Variants in WDR72 observed in about 807,000 individuals in gnomAD.
WDR72 encodes the protein WD repeat domain 72, also known as WD repeat-containing protein 72.
WDR72 carries 120 observed loss-of-function variants against 124.2 expected under a neutral mutation model. The observed-to-expected ratio is 0.97, with a 90% CI of 0.83 to 1.12. The LOEUF (loss-of-function observed/expected upper bound fraction) is 1.12. Among genes scored for constraint, WDR72 ranks in the 50% most tolerant of loss-of-function variants. WDR72 has a pLI of 0.00. For missense variants in WDR72, 1,387 were observed against 1,278.8 expected (o/e 1.08, Z -1.29); for synonymous variants, 452 against 441.7 (o/e 1.02, Z -0.29).
chr15:53,615,151 C>T (rs1481600890), intron 15 of WDR72, among the ~76,000 whole-genome samples: 5 of 151,930 alleles, frequency 3.3e-5, no homozygotes, highest in African/African-American at 1.2e-4. Flanking sequence ...CATTCAACAT[C>T]CCACACTATG....
At chr15:53,521,013 A>G (rs1891763953) in intron 19 of WDR72, among the ~76,000 whole-genome samples, 1 of 152,032 alleles carries the variant, frequency 6.6e-6, no homozygotes, top group Admixed American at 6.6e-5. Flanking sequence ...AATTCATGTC[A>G]CTGCCTCTTT....
intron 18 of WDR72, among the ~76,000 whole-genome samples, chr15:53,582,459 A>G (rs1047480167): frequency 2.0e-5 from 3 of 151,958 alleles, no homozygotes; most frequent in African/African-American, 7.2e-5. Flanking sequence ...TGGTGTAAAA[A>G]TACACACCAA....
At chr15:53,566,783 T>C (rs1894313674) in intron 18 of WDR72, among the ~76,000 whole-genome samples, 1 of 151,990 alleles carries the variant, frequency 6.6e-6, no homozygotes, top group African/African-American at 2.4e-5. Flanking sequence ...AAATAAATTA[T>C]TAATACCCAC....
At chr15:53,659,788 G>A (rs2015549201) in intron 14 of WDR72, among the ~76,000 whole-genome samples, 1 of 151,780 alleles carries the variant, frequency 6.6e-6, no homozygotes, top group African/African-American at 2.4e-5. Flanking sequence ...ATGGTAAACA[G>A]TTATACACTG....
chr15:53,665,487 T>C, intron 14 of WDR72, 85 bp downstream of exon 14: 1 of 1,460,966 alleles, frequency 6.8e-7, no homozygotes. Flanking sequence ...ATGCTGATAC[T>C]TAAGTGCCAT....
intron 13 of WDR72, among the ~76,000 whole-genome samples, chr15:53,698,059 C>T (rs966089955): frequency 1.3e-5 from 2 of 151,952 alleles, no homozygotes; most frequent in African/African-American, 2.4e-5. Context: ...ATTTTTCAAA[C>T]GTTCTTCAAC....
intron 14 of WDR72, among the ~76,000 whole-genome samples, chr15:53,650,580 C>A (rs909370300): frequency 1.3e-5 from 2 of 152,090 alleles, no homozygotes; most frequent in South Asian, 4.1e-4. Context: ...TACTTCTTCC[C>A]CATCTTCATA....
intron 13 of WDR72, among the ~76,000 whole-genome samples, chr15:53,695,466 G>T (rs918625029): frequency 6.6e-6 from 1 of 152,224 alleles, no homozygotes; most frequent in Non-Finnish European, 1.5e-5. Context: ...AGAGTTGTCA[G>T]TGCCAAATAC....
chr15:53,628,584 A>G (rs952879666), intron 14 of WDR72, among the ~76,000 whole-genome samples: 2 of 152,200 alleles, frequency 1.3e-5, no homozygotes, highest in Non-Finnish European at 2.9e-5. Flanking sequence ...AGTTAACTTT[A>G]AAACTTATGC....
intron 14 of WDR72, among the ~76,000 whole-genome samples, chr15:53,657,805 CG>C (rs1413273668): frequency 6.6e-6 from 1 of 152,138 alleles, no homozygotes; most frequent in African/African-American, 2.4e-5. Context: ...GTAGAAATCA[CG>C]GTTGCCTATC....
At chr15:53,627,866 T>A (rs1248401379) in intron 14 of WDR72, among the ~76,000 whole-genome samples, 1 of 152,166 alleles carries the variant, frequency 6.6e-6, no homozygotes, top group African/African-American at 2.4e-5. Flanking sequence ...ATTTTACATG[T>A]TTAATTTCAT....
intron 1 of WDR72, among the ~76,000 whole-genome samples, chr15:53,749,913 G>A (rs553610259): frequency 2.0e-5 from 3 of 152,174 alleles, no homozygotes; most frequent in Non-Finnish European, 4.4e-5. Flanking sequence ...TGAGGAAGCT[G>A]CAGTGGAAAA....
In WDR72 at chr15:53,542,848, T is replaced by C. The variant is rs1262718479; in HGVS notation, c.3149-19526A>G. Among the ~76,000 whole-genome samples the C allele has an allele frequency of 6.1e-5, 6 of 98,764 alleles. No homozygotes were observed. The Middle Eastern group carries it at 0.025, about 417-fold the overall frequency. 64.8% of individuals were successfully genotyped at this position (98,764 alleles called of 152,430 possible). ...AAAAAGGCAGGGGTTGCAATCCTAG[T>C]CTCTGATAAAACAGACTTTAAACCA... is the stretch of plus-strand genomic sequence containing the variant. On this transcript the variant is annotated intron_variant, in intron 18 of 19. Transcript: ENST00000360509.
At chr15:53,727,616 G>T (rs1192131113) in intron 2 of WDR72, among the ~76,000 whole-genome samples, 1 of 152,050 alleles carries the variant, frequency 6.6e-6, no homozygotes, top group African/African-American at 2.4e-5. Context: ...CACACTCAGG[G>T]GTGCATATCC....
chr15:53,705,001 A>T lies in WDR72; in HGVS notation c.1335T>A (p.Gly445=). The T allele has an allele frequency of 6.2e-7, 1 of 1,613,900 alleles. No homozygotes were observed. Among genetic ancestry groups the T allele is most frequent in the Non-Finnish European group, 8.5e-7 (1 of 1,179,998 alleles). The change falls in exon 11 of 20, where the codon GGT becomes GGA. Residue 445 remains glycine (G), a synonymous_variant. Transcript: ENST00000360509. ...AAATTCAAGGACCTTTTACTAAAGA[A>T]CCACCTTCCAGAAGTCTTGCTTTGG... ...NAAKARLLEG[G]SLVKDSPPHK... is the part of the protein sequence containing the mutation.
intron 18 of WDR72, among the ~76,000 whole-genome samples, chr15:53,560,112 G>C (rs1038846243): frequency 1.3e-5 from 2 of 151,880 alleles, no homozygotes; most frequent in Non-Finnish European, 2.9e-5. Flanking sequence ...AAAGCTTTCA[G>C]CAGTCAGCAG....
rs1476804256 is a variant in WDR72 at position 53,615,968 on chromosome 15, A to T, written c.2238T>A (p.Ile746=). ...PLSAEALAKP[I]TESLAQGDNT... The stretch of plus-strand genomic sequence containing the variant: ...TATCTCCTTGGGCCAGGCTTTCAGT[A>T]ATAGGCTTGGCTAGTGCCTCTGCTG... The change falls in exon 15 of 20, where the codon ATT becomes ATA. Residue 746 remains isoleucine, a synonymous_variant. Coordinates refer to ENST00000360509, the MANE Select transcript of WDR72 (RefSeq NM_182758.4). 2.5e-6 allele frequency: 4 copies of T among 1,613,292 alleles called. No individual in the cohort carries two copies. The South Asian group carries it at 4.4e-5, about 18-fold the overall frequency.
At chr15:53,673,096 G>A (rs1437288079) in intron 13 of WDR72, among the ~76,000 whole-genome samples, 2 of 152,100 alleles carry the variant, frequency 1.3e-5, no homozygotes, top group African/African-American at 4.8e-5. Context: ...ACTCCAGCCA[G>A]CCTGGGTGAC....
intron 18 of WDR72, among the ~76,000 whole-genome samples, chr15:53,580,479 G>A (rs2140316860): frequency 6.6e-6 from 1 of 152,138 alleles, no homozygotes; most frequent in East Asian, 1.9e-4. Context: ...AAAGAGCCCT[G>A]AACTGAGTCC....
Sources: allele counts gnomAD v4.1 joint callset (sites outside exome capture counted in the v4.1 genomes callset), GRCh38; gene constraint gnomAD v4.1.1; transcripts MANE v1.5; gene names NCBI Gene and HGNC (gene_info 2026-07-23, HGNC 2026-07-21).